The following UBASH3B variants were observed in gnomAD, a reference collection of about 807,000 sequenced individuals.
The protein encoded by UBASH3B is ubiquitin-associated and SH3 domain-containing protein B.
In UBASH3B, 37 loss-of-function variants were observed where a neutral mutation model predicts 83.4. That is an observed-to-expected ratio of 0.44 (90% CI 0.34 to 0.58). UBASH3B has a LOEUF of 0.58. Ranked by LOEUF, UBASH3B falls within the 20% of genes least tolerant of loss-of-function variation. The pLI is 0.01. For synonymous variants in UBASH3B, 304 were observed against 318.3 expected, an observed-to-expected ratio of 0.96 and a Z score of 0.48; for missense variants, 657 against 827.2, an observed-to-expected ratio of 0.79 and a Z score of 2.52.
intron 1 of UBASH3B, among the ~76,000 whole-genome samples, chr11:122,719,707 T>G (rs1237082641): frequency 6.6e-6 from 1 of 152,238 alleles, no homozygotes; most frequent in Non-Finnish European, 1.5e-5. Context: ...TTGTCTCTAC[T>G]GGCTGTTTCC....
chr11:122,740,126 AAG>A (rs1264760187), intron 1 of UBASH3B, among the ~76,000 whole-genome samples: 1 of 152,090 alleles, frequency 6.6e-6, no homozygotes, highest in Non-Finnish European at 1.5e-5. Flanking sequence ...CTGCAGTGCA[AAG>A]AGGAATAATA....
At chr11:122,780,605 G>A (rs1860835089) in intron 4 of UBASH3B, among the ~76,000 whole-genome samples, 1 of 152,234 alleles carries the variant, frequency 6.6e-6, no homozygotes, top group South Asian at 2.1e-4. Context: ...TCCCGGCCAG[G>A]CCCTGTGTAA....
chr11:122,657,767 A>G (rs1484470611), intron 1 of UBASH3B, among the ~76,000 whole-genome samples: 1 of 152,124 alleles, frequency 6.6e-6, no homozygotes, highest in African/African-American at 2.4e-5. Flanking sequence ...ACGACTTCCT[A>G]ATACTAGGGC....
intron 1 of UBASH3B, among the ~76,000 whole-genome samples, chr11:122,733,765 A>G (rs1168685270): frequency 6.6e-6 from 1 of 152,242 alleles, no homozygotes; most frequent in African/African-American, 2.4e-5. Flanking sequence ...AGAAGAAGTA[A>G]TGTCTTGTCT....
intron 1 of UBASH3B, among the ~76,000 whole-genome samples, chr11:122,757,348 G>A (rs1398692795): frequency 6.6e-6 from 1 of 152,164 alleles, no homozygotes; most frequent in Non-Finnish European, 1.5e-5. Context: ...GAAGTTGGCA[G>A]TCTGCATCCT....
intron 11 of UBASH3B, among the ~76,000 whole-genome samples, 192 bp downstream of exon 11, chr11:122,801,524 G>C (rs1391915156): frequency 6.6e-6 from 1 of 152,206 alleles, no homozygotes; most frequent in Non-Finnish European, 1.5e-5. Context: ...TTTGGCATTA[G>C]TGTGGATTAG....
chr11:122,699,546 T>A (rs1434222718), intron 1 of UBASH3B, among the ~76,000 whole-genome samples: 1 of 140,752 alleles, frequency 7.1e-6, no homozygotes, highest in African/African-American at 3.2e-5. Flanking sequence ...TCTTTCTTTC[T>A]TTCTTTCTTT....
At chr11:122,725,023 G>A (rs562034929) in intron 1 of UBASH3B, among the ~76,000 whole-genome samples, 71 of 150,222 alleles carry the variant, frequency 4.7e-4, no homozygotes, top group African/African-American at 1.6e-3. Flanking sequence ...CACGATCTCA[G>A]CTCACTGCAA....
chr11:122,779,798 G>A, intron 4 of UBASH3B, 103 bp downstream of exon 4: 1 of 1,380,476 alleles, frequency 7.2e-7, no homozygotes, highest in Non-Finnish European at 1.0e-6. Flanking sequence ...GGGGTCAGGA[G>A]GTGGAGGACC....
chr11:122,725,615 T>A (rs1400391858), intron 1 of UBASH3B, among the ~76,000 whole-genome samples: 1 of 152,294 alleles, frequency 6.6e-6, no homozygotes, highest in Non-Finnish European at 1.5e-5. Context: ...AGGAGCATGC[T>A]GTACTGGATT....
chr11:122,768,464 ATATG>A (rs1181809355), intron 1 of UBASH3B, among the ~76,000 whole-genome samples: 3 of 118,722 alleles, frequency 2.5e-5, no homozygotes, highest in Non-Finnish European at 3.7e-5. Context: ...ATAGAGATAT[ATATG>A]TATGTGTGTG....
At position 122,678,010 on chromosome 11, in the gene UBASH3B, C is replaced by G. The variant is rs1437969192; in HGVS notation, c.161+21800C>G. ...TTTGCCATGTTGGCAAGGCTGGTCT[C>G]AAACTCCTGACCTCAGGTGATGTGC... On this transcript the variant is annotated intron_variant, in intron 1 of 13. Coordinates refer to ENST00000284273, the MANE Select transcript of UBASH3B (RefSeq NM_032873.5). Among the ~76,000 whole-genome samples, 3 of 152,202 alleles carry G rather than the reference C, an allele frequency of 2.0e-5. No homozygotes were observed. The East Asian group carries it at 5.8e-4, about 29-fold the overall frequency.
intron 1 of UBASH3B, among the ~76,000 whole-genome samples, chr11:122,769,517 T>C (rs1382506726): frequency 2.6e-5 from 4 of 152,238 alleles, no homozygotes; most frequent in South Asian, 2.1e-4. Flanking sequence ...GAGAAACAAA[T>C]AGATGGAGAG....
chr11:122,713,158 C>T (rs1436593697), intron 1 of UBASH3B, among the ~76,000 whole-genome samples: 3 of 152,006 alleles, frequency 2.0e-5, no homozygotes, highest in Non-Finnish European at 4.4e-5. Flanking sequence ...CCGCCCACTT[C>T]GGCCTCCCAA....
chr11:122,768,508 G>GTATATATA (rs3031285), intron 1 of UBASH3B, among the ~76,000 whole-genome samples: 7 of 134,318 alleles, frequency 5.2e-5, no homozygotes, highest in Non-Finnish European at 9.4e-5. Context: ...GTGTGTGTGT[G>GTATATATA]TATATATATA....
chr11:122,813,045 A>G lies in UBASH3B; in HGVS notation c.*3159A>G, dbSNP rs1861476818. 1 of 152,624 alleles carries G rather than the reference A, an allele frequency of 6.6e-6. No individual in the cohort carries two copies. Among genetic ancestry groups the G allele is most frequent in the Admixed American group, 6.5e-5 (1 of 15,282 alleles). 9.5% of individuals were successfully genotyped at this position (152,624 alleles called of 1,614,324 possible). ...AGTTTCTACTTTTTATTTTAATTAT[A>G]CTTTAACCAAAGAATTATTTTAAAG... On this transcript the variant is annotated 3_prime_UTR_variant, in exon 14 of 14. Coordinates refer to ENST00000284273, the MANE Select transcript of UBASH3B (RefSeq NM_032873.5).
intron 6 of UBASH3B, among the ~76,000 whole-genome samples, chr11:122,790,146 G>A (rs779496329): frequency 3.9e-5 from 6 of 152,170 alleles, no homozygotes; most frequent in African/African-American, 7.2e-5. Context: ...AGCCCTGAGC[G>A]CCAGCTGCTT....
chr11:122,718,768 A>ATCATCCTCTTCTTACTCCAATCTG (rs1860573472), intron 1 of UBASH3B, among the ~76,000 whole-genome samples: 3 of 152,192 alleles, frequency 2.0e-5, no homozygotes, highest in Non-Finnish European at 4.4e-5. Flanking sequence ...ATAAGGTAGA[A>ATCATCCTCTTCTTACTCCAATCTG]TCATCCTCTT....
intron 1 of UBASH3B, among the ~76,000 whole-genome samples, chr11:122,688,621 C>CTTTATTTTAT (rs200531378): frequency 0.048 from 6,336 of 132,796 alleles, 259 homozygotes; most frequent in African/African-American, 0.088. Flanking sequence ...TAATTTTTTT[C>CTTTATTTTAT]TTTCTTTTAT....
Sources: allele counts gnomAD v4.1 joint callset (sites outside exome capture counted in the v4.1 genomes callset), GRCh38; gene constraint gnomAD v4.1.1; transcripts MANE v1.5; gene names NCBI Gene and HGNC (gene_info 2026-07-23, HGNC 2026-07-21).